SLC26A3: variants seen among roughly 807,000 people sequenced by gnomAD.
The protein encoded by SLC26A3 is chloride anion exchanger.
Under a neutral mutation model 85.6 loss-of-function variants are expected in SLC26A3, and 64 were observed. The observed-to-expected ratio is 0.75, with a 90% CI of 0.61 to 0.92. The LOEUF (loss-of-function observed/expected upper bound fraction) is 0.92, where lower values mean the gene tolerates loss of function less well. Ranked by LOEUF, SLC26A3 falls within the 40% of genes least tolerant of loss-of-function variation. SLC26A3 has a pLI of 0.00. For synonymous variants in SLC26A3, 349 were observed against 336.0 expected (o/e 1.04, Z -0.42); for missense variants, 922 against 927.3 (o/e 0.99, Z 0.07).
At chr7:107,773,518 G>T (rs1298227671) in intron 17 of SLC26A3, among the ~76,000 whole-genome samples, 2 of 152,154 alleles carry the variant, frequency 1.3e-5, no homozygotes, top group Non-Finnish European at 2.9e-5. Context: ...CTAATTAAAT[G>T]CATGTTACCT....
intron 5 of SLC26A3, 108 bp from the exon 6 acceptor site, chr7:107,789,796 G>T: frequency 8.5e-7 from 1 of 1,174,134 alleles, no homozygotes; most frequent in Non-Finnish European, 1.2e-6. Context: ...GGCTCAACCT[G>T]TATGTACATG....
At chr7:107,791,808 A>G in intron 4 of SLC26A3, 22 bp downstream of exon 4, 1 of 1,393,140 alleles carries the variant, frequency 7.2e-7, no homozygotes. Context: ...GTGAGCATTA[A>G]TCAGCTCAGT....
chr7:107,782,410 C>G (rs184934967), intron 11 of SLC26A3, among the ~76,000 whole-genome samples: 1 of 152,122 alleles, frequency 6.6e-6, no homozygotes, highest in Non-Finnish European at 1.5e-5. Flanking sequence ...TTCCTAAGAA[C>G]GAGTTGTGTG....
At chr7:107,776,282 C>T (rs1794113435) in intron 15 of SLC26A3, 170 bp downstream of exon 15, 2 of 660,894 alleles carry the variant, frequency 3.0e-6, no homozygotes, top group Admixed American at 2.4e-5. Flanking sequence ...TTAACAAACT[C>T]CCCATAAGGT....
Position 107,778,202 on chromosome 7 carries a change from A to G in SLC26A3, c.1487T>C (p.Leu496Pro). The change falls in exon 13 of 21, where the codon CTG becomes CCG. Residue 496 changes from leucine to proline, a missense_variant. By Grantham distance (98) the Leu-to-Pro change is moderately conservative. Coordinates refer to ENST00000340010, the MANE Select transcript of SLC26A3 (RefSeq NM_000111.3). ...LGLAASVAFQ[L>P]LTIVFRTQFP... The stretch of plus-strand genomic sequence containing the variant: ...TTGGGTCCTGAACACGATGGTTAGC[A>G]GTTGAAATGCCACACTAGCTGCCAG... The G allele has an allele frequency of 6.2e-7, 1 of 1,613,742 alleles. No individual in the cohort carries two copies. Among genetic ancestry groups the G allele is most frequent in the East Asian group, 2.2e-5 (1 of 44,880 alleles).
At chr7:107,779,207 C>T (rs1794177756) in intron 12 of SLC26A3, among the ~76,000 whole-genome samples, 1 of 152,038 alleles carries the variant, frequency 6.6e-6, no homozygotes, top group Non-Finnish European at 1.5e-5. Context: ...AGACTTTGAC[C>T]CTGTTAAAAT....
intron 1 of SLC26A3, among the ~76,000 whole-genome samples, chr7:107,795,662 T>C (rs1435768087): frequency 6.6e-6 from 1 of 152,226 alleles, no homozygotes; most frequent in African/African-American, 2.4e-5. Flanking sequence ...CTCTTTTCTA[T>C]GTCATGCAGC....
intron 5 of SLC26A3, among the ~76,000 whole-genome samples, chr7:107,790,407 A>G (rs895542915): frequency 3.9e-5 from 6 of 152,248 alleles, no homozygotes; most frequent in African/African-American, 1.4e-4. Context: ...AATAAGACGC[A>G]TGCTTATGTC....
intron 6 of SLC26A3, 29 bp from the exon 7 acceptor site, chr7:107,787,538 A>G: frequency 6.3e-7 from 1 of 1,599,402 alleles, no homozygotes. Context: ...AAACCACCAA[A>G]GCCCTATATT....
At position 107,780,009 on chromosome 7, in the gene SLC26A3, A is replaced by G. The variant is rs573091184; in HGVS notation, c.1312-246T>C. Among the ~76,000 whole-genome samples, 17 of 152,144 alleles carry G rather than the reference A, an allele frequency of 1.1e-4. No homozygotes were observed. The South Asian group carries it at 2.9e-3, about 26-fold the overall frequency. On this transcript the variant is annotated intron_variant, in intron 11 of 20. Coordinates refer to ENST00000340010, the MANE Select transcript of SLC26A3 (RefSeq NM_000111.3). Reference sequence around the variant, plus strand: ...GGCTGCTCTTGTGATTATGAGATAGATGATCTGATGGCGTTTAGTAGCCTG... The same window carrying G: ...GGCTGCTCTTGTGATTATGAGATAGGTGATCTGATGGCGTTTAGTAGCCTG...
At chr7:107,795,424 G>A (rs553751201) in intron 1 of SLC26A3, among the ~76,000 whole-genome samples, 2 of 152,074 alleles carry the variant, frequency 1.3e-5, no homozygotes, top group South Asian at 4.1e-4. Context: ...TTTCTATTAT[G>A]CTTAAAAGAT....
chr7:107,775,116 C>T (rs1794088702), intron 15 of SLC26A3, among the ~76,000 whole-genome samples: 1 of 152,190 alleles, frequency 6.6e-6, no homozygotes, highest in Non-Finnish European at 1.5e-5. Flanking sequence ...AGGATTCATC[C>T]ATAAATTATC....
intron 18 of SLC26A3, among the ~76,000 whole-genome samples, chr7:107,769,763 T>C (rs1182215600): frequency 6.6e-6 from 1 of 152,210 alleles, no homozygotes; most frequent in African/African-American, 2.4e-5. Context: ...AGAATATGTC[T>C]GTATATTTTA....
Position 107,767,908 on chromosome 7 carries a change from T to C in SLC26A3, c.2063A>G (p.Asp688Gly). 1 of 1,613,390 alleles carries C rather than the reference T, an allele frequency of 6.2e-7. No homozygotes were observed. The highest frequency in any genetic ancestry group is 8.5e-7 in the Non-Finnish European group (1 of 1,179,570). The change falls in exon 19 of 21, where the codon GAT becomes GGT. Residue 688 changes from aspartate (D) to glycine (G), a missense_variant and splice_region_variant. By Grantham distance (94) the Asp-to-Gly change is moderately conservative. Coordinates refer to ENST00000340010, the MANE Select transcript of SLC26A3 (RefSeq NM_000111.3). ...CCGGTTAAGCTTCTCAATGAAGTCA[T>C]CTGAAGAGAAAAAAACAGTAACTTT... ...KVDVYIVGTD[D>G]DFIEKLNRYE...
chr7:107,774,240 G>C lies in SLC26A3; in HGVS notation c.1774-87C>G, dbSNP rs1487422817. The C allele has an allele frequency of 8.3e-6, 9 of 1,082,624 alleles. No homozygotes were observed. The East Asian group carries it at 1.7e-4, about 20-fold the overall frequency. The allele number at this position is 1,082,624 out of a possible 1,614,324, so 67.1% of individuals were successfully genotyped here. ...ATAGCCAGTGAGTTTCAGAAGCACTGATTCTGAGTTGAGCCAAACGATGGG... is the reference window on the plus strand; with the variant it reads ...ATAGCCAGTGAGTTTCAGAAGCACTCATTCTGAGTTGAGCCAAACGATGGG... On this transcript the variant is annotated intron_variant, in intron 16 of 20. Transcript: ENST00000340010.
chr7:107,769,381 A>G (rs1004781508), intron 18 of SLC26A3, among the ~76,000 whole-genome samples: 11 of 152,204 alleles, frequency 7.2e-5, no homozygotes, highest in African/African-American at 2.7e-4. Context: ...ACCGTGGAAT[A>G]CTATATAAAA....
intron 1 of SLC26A3, among the ~76,000 whole-genome samples, chr7:107,798,192 A>G (rs1162825598): frequency 6.7e-6 from 1 of 149,826 alleles, no homozygotes; most frequent in African/African-American, 2.5e-5. Context: ...TCATATACCT[A>G]CATATCTTGG....
chr7:107,789,440 C>A (rs1794355124), intron 6 of SLC26A3, 84 bp downstream of exon 6: 1 of 1,368,932 alleles, frequency 7.3e-7, no homozygotes, highest in Non-Finnish European at 1.0e-6. Context: ...AACCCCATGG[C>A]AAAGGCATTA....
At chr7:107,775,987 C>A in intron 15 of SLC26A3, 1 of 219,408 alleles carries the variant, frequency 4.6e-6, no homozygotes, top group African/African-American at 2.3e-5. Flanking sequence ...AAGACTGCTT[C>A]CTTGTCATCA....
Sources: gnomAD v4.1 joint callset for allele counts (sites outside exome capture counted in the v4.1 genomes callset) on GRCh38, gnomAD v4.1.1 for gene constraint, MANE v1.5 for transcripts, NCBI Gene and HGNC (gene_info 2026-07-23, HGNC 2026-07-21) for gene names.